Variants in DPYD observed in about 807,000 individuals in gnomAD.
The protein encoded by DPYD is dihydropyrimidine dehydrogenase [NADP(+)].
A neutral mutation model predicts 116.2 loss-of-function variants in DPYD; 109 were observed. That is an observed-to-expected ratio of 0.94 (90% CI 0.80 to 1.10). The LOEUF is 1.10. Among genes scored for constraint, DPYD ranks in the 50% least tolerant of loss-of-function variants. The pLI, the probability that DPYD is intolerant of heterozygous loss-of-function variation, is 0.00. For synonymous variants in DPYD, 440 were observed against 432.0 expected (o/e 1.02, Z -0.23); for missense variants, 1,302 against 1,254.5 (o/e 1.04, Z -0.57).
At chr1:97,483,138 T>G (rs1570809137) in intron 13 of DPYD, among the ~76,000 whole-genome samples, 1 of 152,192 alleles carries the variant, frequency 6.6e-6, no homozygotes, top group Non-Finnish European at 1.5e-5. Context: ...AACTGAGCAG[T>G]TTGCTCTGTT....
chr1:97,115,705 A>G (rs1345109685), intron 20 of DPYD, among the ~76,000 whole-genome samples: 1 of 152,196 alleles, frequency 6.6e-6, no homozygotes, highest in African/African-American at 2.4e-5. Context: ...TACAATCATT[A>G]TTATGGTCAC....
chr1:97,079,199 G>T, intron 22 of DPYD, 53 bp from the exon 23 acceptor site: 1 of 1,599,268 alleles, frequency 6.3e-7, no homozygotes, highest in Non-Finnish European at 8.6e-7. Flanking sequence ...GGTCAACAAT[G>T]TCCCCATTTT....
chr1:97,499,215 C>T (rs1679440924), intron 13 of DPYD, among the ~76,000 whole-genome samples: 2 of 151,442 alleles, frequency 1.3e-5, no homozygotes, highest in Non-Finnish European at 3.0e-5. Flanking sequence ...GTTTGTTTAG[C>T]CTTGTATTCC....
At chr1:97,662,327 A>G (rs1017437307) in intron 8 of DPYD, among the ~76,000 whole-genome samples, 20 of 152,044 alleles carry the variant, frequency 1.3e-4, no homozygotes, top group South Asian at 2.1e-4. Context: ...AGCAGGCTCA[A>G]TAGTATTCAT....
intron 13 of DPYD, among the ~76,000 whole-genome samples, chr1:97,473,933 G>C (rs1677799998): frequency 6.6e-6 from 1 of 150,418 alleles, no homozygotes; most frequent in Non-Finnish European, 1.5e-5. Context: ...GATCACTTGA[G>C]CCCAGGAAGT....
At chr1:97,895,178 C>G (rs1672996340) in intron 1 of DPYD, among the ~76,000 whole-genome samples, 2 of 151,656 alleles carry the variant, frequency 1.3e-5, no homozygotes, top group African/African-American at 4.8e-5. Flanking sequence ...CTTAGAGGGC[C>G]TTTTTCAAGT....
At chr1:97,838,085 T>A (rs1669855368) in intron 2 of DPYD, among the ~76,000 whole-genome samples, 1 of 152,212 alleles carries the variant, frequency 6.6e-6, no homozygotes, top group African/African-American at 2.4e-5. Context: ...TATGCTTTTA[T>A]TTTCTCTGGT....
chr1:97,313,582 C>T lies in DPYD; in HGVS notation c.2059-7285G>A, dbSNP rs1358804683. Among the ~76,000 whole-genome samples the T allele has an allele frequency of 2.0e-5, 3 of 151,596 alleles. No individual in the cohort carries two copies. In the East Asian group the frequency reaches 5.9e-4, roughly 30 times the overall value. On this transcript the variant is annotated intron_variant, in intron 16 of 22. Transcript: ENST00000370192. The stretch of plus-strand genomic sequence containing the variant: ...TAGACCCACCTGTGTGTCCTCTCCT[C>T]CCCAAGCACATAGCCTTCTCTATTC...
intron 19 of DPYD, among the ~76,000 whole-genome samples, chr1:97,233,715 A>G (rs1280116541): frequency 6.6e-6 from 1 of 151,970 alleles, no homozygotes; most frequent in African/African-American, 2.4e-5. Context: ...ATATGTGAGG[A>G]AAAAAATCGC....
chr1:97,306,758 T>G (rs545862938), intron 16 of DPYD, among the ~76,000 whole-genome samples: 2 of 152,094 alleles, frequency 1.3e-5, no homozygotes, highest in East Asian at 3.9e-4. Flanking sequence ...GACTTAGTCT[T>G]GATGTGTATT....
chr1:97,720,758 A>G, intron 5 of DPYD: 1 of 1,455,718 alleles, frequency 6.9e-7, no homozygotes, highest in Non-Finnish European at 9.0e-7. Context: ...ACTAGTCTCC[A>G]AAGATTATAA....
intron 16 of DPYD, among the ~76,000 whole-genome samples, chr1:97,314,473 T>G (rs1667695013): frequency 1.3e-5 from 2 of 150,210 alleles, no homozygotes; most frequent in African/African-American, 4.9e-5. Flanking sequence ...CCCATTCCAC[T>G]TAGTCGCTAA....
At chr1:97,230,625 TA>T (rs1339652724) in intron 19 of DPYD, among the ~76,000 whole-genome samples, 1 of 151,966 alleles carries the variant, frequency 6.6e-6, no homozygotes, top group Non-Finnish European at 1.5e-5. Flanking sequence ...ACCCTGAACT[TA>T]AAATAAAAGT....
chr1:97,230,962 G>T (rs1182981075), intron 19 of DPYD, among the ~76,000 whole-genome samples: 1 of 152,144 alleles, frequency 6.6e-6, no homozygotes, highest in Non-Finnish European at 1.5e-5. Context: ...GTGAGTTTCT[G>T]ATTTTCCATC....
chr1:97,351,645 A>G (rs1431342310), intron 16 of DPYD, among the ~76,000 whole-genome samples: 1 of 152,104 alleles, frequency 6.6e-6, no homozygotes, highest in Non-Finnish European at 1.5e-5. Context: ...TCTTATTTAA[A>G]ATAATAACTA....
At chr1:97,188,623 T>A (rs965631926) in intron 20 of DPYD, among the ~76,000 whole-genome samples, 2 of 151,748 alleles carry the variant, frequency 1.3e-5, no homozygotes, top group Non-Finnish European at 2.9e-5. Flanking sequence ...TAAAAAGGAG[T>A]GATTTGACTT....
chr1:97,290,894 C>G lies in DPYD; in HGVS notation c.2299+14365G>C, dbSNP rs1666100071. On this transcript the variant is annotated intron_variant, in intron 18 of 22. Coordinates refer to ENST00000370192, the MANE Select transcript of DPYD (RefSeq NM_000110.4). ...CAAAAGAAACTACCATCAGAGTGAA[C>G]AGGCAACCTACAAAATGGGAGAAAA... is the stretch of plus-strand genomic sequence containing the variant. 3.3e-5 allele frequency among the ~76,000 whole-genome samples: 5 copies of G among 151,960 alleles called. No individual in the cohort carries two copies. In the South Asian group the frequency reaches 8.3e-4, roughly 25 times the overall value.
At chr1:97,916,292 G>A (rs992541671) in intron 1 of DPYD, among the ~76,000 whole-genome samples, 2 of 152,044 alleles carry the variant, frequency 1.3e-5, no homozygotes, top group East Asian at 1.9e-4. Flanking sequence ...CCAGTAACTC[G>A]TCATTTAACA....
At chr1:97,611,419 G>A (rs959210463) in intron 8 of DPYD, among the ~76,000 whole-genome samples, 2 of 152,028 alleles carry the variant, frequency 1.3e-5, no homozygotes, top group African/African-American at 4.8e-5. Context: ...AACCGTATCA[G>A]TGAGTTTATA....
Sources: gnomAD v4.1 joint callset for allele counts (sites outside exome capture counted in the v4.1 genomes callset) on GRCh38, gnomAD v4.1.1 for gene constraint, MANE v1.5 for transcripts, NCBI Gene and HGNC (gene_info 2026-07-23, HGNC 2026-07-21) for gene names.